Variants in RFT1 observed in about 807,000 individuals in gnomAD.
RFT1 encodes the protein RFT1 glycolipid translocator homolog.
A neutral mutation model predicts 62.2 loss-of-function variants in RFT1; 43 were observed. The observed-to-expected ratio is 0.69, with a 90% CI of 0.54 to 0.89. The LOEUF is 0.89. RFT1 is among the 40% of genes least tolerant of loss of function. The pLI is 0.00. For missense variants in RFT1, 605 were observed against 649.9 expected, an observed-to-expected ratio of 0.93 and a Z score of 0.75; for synonymous variants, 262 against 264.6, an observed-to-expected ratio of 0.99 and a Z score of 0.10.
intron 4 of RFT1, 98 bp from the exon 5 acceptor site, chr3:53,121,898 G>A: frequency 2.1e-6 from 2 of 959,728 alleles, no homozygotes; most frequent in Non-Finnish European, 1.6e-6. Flanking sequence ...GGTCACCCTG[G>A]CTGTGGGGGC....
At chr3:53,125,639 A>G (rs1702087807) in intron 2 of RFT1, among the ~76,000 whole-genome samples, 1 of 152,220 alleles carries the variant, frequency 6.6e-6, no homozygotes, top group Non-Finnish European at 1.5e-5. Context: ...CTCCTTCCTG[A>G]CTTCCAAGAG....
downstream of RFT1, among the ~76,000 whole-genome samples, chr3:53,086,938 G>A (rs1700867512): frequency 6.6e-6 from 1 of 152,132 alleles, no homozygotes; most frequent in African/African-American, 2.4e-5. Context: ...CTGCAGGAGT[G>A]TGTAAATATG....
chr3:53,125,454 T>C (rs908589699), intron 2 of RFT1, among the ~76,000 whole-genome samples: 18 of 152,326 alleles, frequency 1.2e-4, no homozygotes, highest in Admixed American at 5.9e-4. Context: ...CGAATCCCAG[T>C]TGCCATATCC....
At chr3:53,078,455 T>C in the RFT1 span, among the ~76,000 whole-genome samples, 18 of 152,118 alleles carry the variant, frequency 1.2e-4, no homozygotes, top group Non-Finnish European at 2.6e-4. Context: ...TGGTATAGAA[T>C]ATTTTAAACT....
At chr3:53,129,405 C>T (rs1158468243) in intron 1 of RFT1, among the ~76,000 whole-genome samples, 1 of 152,088 alleles carries the variant, frequency 6.6e-6, no homozygotes, top group Non-Finnish European at 1.5e-5. Context: ...GGATTTATCC[C>T]GAAGGCAGGC....
chr3:53,079,666 C>T, the RFT1 span, among the ~76,000 whole-genome samples: 1 of 152,108 alleles, frequency 6.6e-6, no homozygotes, highest in Non-Finnish European at 1.5e-5. Context: ...TTGCAGTGAG[C>T]CTAGATCGCA....
chr3:53,067,626 G>A, the RFT1 span, among the ~76,000 whole-genome samples: 3 of 152,330 alleles, frequency 2.0e-5, no homozygotes, highest in South Asian at 6.2e-4. Flanking sequence ...CATGATTGCT[G>A]TAGTGTACCG....
chr3:53,066,940 C>T, the RFT1 span, among the ~76,000 whole-genome samples: 1 of 152,124 alleles, frequency 6.6e-6, no homozygotes, highest in Non-Finnish European at 1.5e-5. Flanking sequence ...ATAAATAAAC[C>T]AGTGTGGCCT....
the RFT1 span, among the ~76,000 whole-genome samples, chr3:53,083,057 T>C: frequency 6.6e-6 from 1 of 151,450 alleles, no homozygotes; most frequent in Non-Finnish European, 1.5e-5. Flanking sequence ...AAAAATTAGC[T>C]GGGTGTGGCG....
chr3:53,112,354 A>G (rs1701675278), intron 6 of RFT1, among the ~76,000 whole-genome samples: 2 of 152,356 alleles, frequency 1.3e-5, no homozygotes, highest in South Asian at 2.1e-4. Context: ...GCCCTTCTGC[A>G]TTACAAAAGA....
chr3:53,096,457 A>C (rs1009209621), intron 11 of RFT1, among the ~76,000 whole-genome samples: 1 of 152,016 alleles, frequency 6.6e-6, no homozygotes, highest in African/African-American at 2.4e-5. Flanking sequence ...TGAGATGGGC[A>C]GATCACCTGA....
chr3:53,100,785 G>C (rs1476491684), intron 10 of RFT1, among the ~76,000 whole-genome samples: 2 of 152,184 alleles, frequency 1.3e-5, no homozygotes, highest in African/African-American at 2.4e-5. Context: ...GAGTGGGGTA[G>C]TTGACTAGAA....
chr3:53,106,731 T>C, intron 8 of RFT1, 88 bp downstream of exon 8: 1 of 1,003,644 alleles, frequency 1.0e-6, no homozygotes, highest in Admixed American at 2.0e-5. Flanking sequence ...CAGGTTCATC[T>C]TTCATTAAAT....
chr3:53,083,793 G>GC (rs577822923), downstream of RFT1, among the ~76,000 whole-genome samples: 7 of 152,202 alleles, frequency 4.6e-5, no homozygotes, highest in East Asian at 1.2e-3. Flanking sequence ...CCCTTCTGTG[G>GC]CCCCCCACAG....
the RFT1 span, among the ~76,000 whole-genome samples, chr3:53,082,884 C>G: frequency 6.6e-6 from 1 of 152,124 alleles, no homozygotes; most frequent in East Asian, 1.9e-4. Context: ...AAGCAAAACC[C>G]TGTTCGTGTA....
At chr3:53,077,245 A>G in the RFT1 span, among the ~76,000 whole-genome samples, 382 of 152,356 alleles carry the variant, frequency 2.5e-3, 2 homozygotes, top group African/African-American at 8.7e-3. Flanking sequence ...CATGGTGTAA[A>G]GGACACAGCA....
chr3:53,083,540 G>A (rs1295490527), downstream of RFT1, among the ~76,000 whole-genome samples: 1 of 151,078 alleles, frequency 6.6e-6, no homozygotes, highest in East Asian at 1.9e-4. Flanking sequence ...ATGGTCGCAG[G>A]TGGATTTCTC....
intron 11 of RFT1, among the ~76,000 whole-genome samples, chr3:53,098,528 C>T (rs941336736): frequency 1.4e-4 from 22 of 152,074 alleles, no homozygotes; most frequent in Admixed American, 3.9e-4. Flanking sequence ...TGAGGCTGGG[C>T]ACGGTGGCTC....
chr3:53,119,926 G>A lies in RFT1; in HGVS notation c.654C>T (p.Val218=). ...TGGGTAACAGATCTGTTATTCTGGA[G>A]ACAGGAAGAGTTTGAAGCTTGGTTG... The part of the protein sequence containing the change: ...PESTKLQTLP[V]SRITDLLPNI... Residue 218 remains valine, a synonymous_variant, in exon 6 of 13, where the codon GTC becomes GTT. Coordinates refer to ENST00000296292, the MANE Select transcript of RFT1 (RefSeq NM_052859.4). 1 of 1,612,994 alleles carries A rather than the reference G, an allele frequency of 6.2e-7. No individual in the cohort carries two copies.
Sources: allele counts gnomAD v4.1 joint callset (sites outside exome capture counted in the v4.1 genomes callset), GRCh38; gene constraint gnomAD v4.1.1; transcripts MANE v1.5; gene names NCBI Gene and HGNC (gene_info 2026-07-23, HGNC 2026-07-21).